The following FOXP1 variants were observed in gnomAD, a reference collection of about 807,000 sequenced individuals.
FOXP1 encodes forkhead box protein P1.
Under a neutral mutation model 98.2 loss-of-function variants are expected in FOXP1, and 15 were observed. That is an observed-to-expected ratio of 0.15 (90% CI 0.10 to 0.24). The LOEUF is 0.24. Ranked by LOEUF, FOXP1 falls within the 10% of genes least tolerant of loss-of-function variation. The pLI is 1.00. For missense variants in FOXP1, 633 were observed against 848.5 expected, an observed-to-expected ratio of 0.75 and a Z score of 3.15; for synonymous variants, 371 against 314.5, an observed-to-expected ratio of 1.18 and a Z score of -1.90.
At chr3:71,409,903 T>C (rs1490143512) in intron 3 of FOXP1, among the ~76,000 whole-genome samples, 2 of 152,154 alleles carry the variant, frequency 1.3e-5, no homozygotes, top group Non-Finnish European at 1.5e-5. Flanking sequence ...TAGTCTCAGC[T>C]ACCTGGAAGG....
At chr3:71,151,192 A>C (rs1029843147) in intron 6 of FOXP1, among the ~76,000 whole-genome samples, 1 of 152,240 alleles carries the variant, frequency 6.6e-6, no homozygotes, top group Non-Finnish European at 1.5e-5. Flanking sequence ...CTGGGAGCAC[A>C]GACTTATTTG....
intron 4 of FOXP1, among the ~76,000 whole-genome samples, chr3:71,328,964 T>TC (rs1169895093): frequency 1.2e-5 from 1 of 85,468 alleles, no homozygotes; most frequent in Non-Finnish European, 2.2e-5. Context: ...AGAGCGAAAC[T>TC]CCATCTCGCT....
intron 4 of FOXP1, among the ~76,000 whole-genome samples, chr3:71,355,663 T>C (rs1477366655): frequency 6.6e-6 from 1 of 152,110 alleles, no homozygotes; most frequent in Non-Finnish European, 1.5e-5. Context: ...CAAGCCACTA[T>C]CTCCACACAG....
chr3:71,190,912 G>C (rs1315529144), intron 6 of FOXP1, among the ~76,000 whole-genome samples: 3 of 152,168 alleles, frequency 2.0e-5, no homozygotes, highest in Non-Finnish European at 2.9e-5. Context: ...CAATAGATTT[G>C]AGTTCAAAGA....
chr3:71,205,148 A>T (rs1446237154), intron 5 of FOXP1, among the ~76,000 whole-genome samples: 1 of 152,242 alleles, frequency 6.6e-6, no homozygotes, highest in Non-Finnish European at 1.5e-5. Context: ...AATGCAAAGT[A>T]ATGCACACAT....
chr3:71,072,678 C>G (rs947127245), intron 7 of FOXP1, among the ~76,000 whole-genome samples: 8 of 152,272 alleles, frequency 5.3e-5, no homozygotes, highest in African/African-American at 1.7e-4. Context: ...TCCTTAACCA[C>G]TTTGGTTCTT....
At chr3:71,238,703 A>G (rs990492418) in intron 5 of FOXP1, among the ~76,000 whole-genome samples, 1 of 152,250 alleles carries the variant, frequency 6.6e-6, no homozygotes, top group Non-Finnish European at 1.5e-5. Flanking sequence ...TCAGTAACCA[A>G]GAGTGACTAT....
At chr3:71,370,769 T>G (rs941652343) in intron 3 of FOXP1, among the ~76,000 whole-genome samples, 2 of 151,322 alleles carry the variant, frequency 1.3e-5, no homozygotes. Flanking sequence ...AGCACATTGC[T>G]AGGTCCCAAC....
At chr3:71,301,679 T>C (rs1056539091) in intron 4 of FOXP1, among the ~76,000 whole-genome samples, 7 of 152,214 alleles carry the variant, frequency 4.6e-5, no homozygotes, top group African/African-American at 1.7e-4. Flanking sequence ...TGCCATCATA[T>C]AGGCCTGGCA....
intron 3 of FOXP1, among the ~76,000 whole-genome samples, chr3:71,378,083 T>C (rs1444584723): frequency 1.1e-5 from 1 of 94,516 alleles, no homozygotes; most frequent in African/African-American, 3.6e-5. Flanking sequence ...AGGGAATCAA[T>C]ACAGGCCAAG....
At chr3:71,339,535 T>C (rs2076891420) in intron 4 of FOXP1, among the ~76,000 whole-genome samples, 1 of 152,204 alleles carries the variant, frequency 6.6e-6, no homozygotes, top group African/African-American at 2.4e-5. Context: ...CCATTCTTAC[T>C]CTCAATTAGT....
At chr3:71,410,002 G>C (rs2082621038) in intron 3 of FOXP1, among the ~76,000 whole-genome samples, 1 of 152,110 alleles carries the variant, frequency 6.6e-6, no homozygotes, top group Admixed American at 6.5e-5. Context: ...ACAACAGCAT[G>C]AGACCCTGTC....
intron 6 of FOXP1, among the ~76,000 whole-genome samples, chr3:71,183,409 G>C (rs1220996959): frequency 1.3e-5 from 2 of 152,138 alleles, no homozygotes; most frequent in African/African-American, 4.8e-5. Context: ...TGAGGGAGGA[G>C]AATCGCTTGA....
rs1576312643 is a variant in FOXP1 at position 71,032,236 on chromosome 3, A to G, written c.869+9092T>C. Among the ~76,000 whole-genome samples, 3 of 152,284 alleles carry G rather than the reference A, an allele frequency of 2.0e-5. 1 individual carries two copies. The highest frequency in any genetic ancestry group is 7.2e-5 in the African/African-American group (3 of 41,562). On this transcript the variant is annotated intron_variant, in intron 11 of 20. Transcript: ENST00000649528. ...CTCTTGGCGACATGTGCCCGGGGGG[A>G]TTGTCCCATATTAACACCACCTGGG...
chr3:71,556,030 G>A (rs779103682), intron 2 of FOXP1, among the ~76,000 whole-genome samples: 4 of 151,958 alleles, frequency 2.6e-5, no homozygotes, highest in African/African-American at 2.4e-5. Context: ...AATGTTATAA[G>A]GCATAAATGA....
At chr3:71,110,991 C>T (rs2057872266) in intron 7 of FOXP1, among the ~76,000 whole-genome samples, 1 of 152,138 alleles carries the variant, frequency 6.6e-6, no homozygotes, top group South Asian at 2.1e-4. Context: ...TCAACTTTTC[C>T]AATAAAGCGT....
At chr3:71,475,314 G>T (rs1262079777) in intron 3 of FOXP1, among the ~76,000 whole-genome samples, 1 of 152,176 alleles carries the variant, frequency 6.6e-6, no homozygotes, top group Admixed American at 6.6e-5. Context: ...GGAAGAAGGA[G>T]CAACTATAAT....
At chr3:71,529,192 T>C (rs1304239404) in intron 2 of FOXP1, among the ~76,000 whole-genome samples, 1 of 152,236 alleles carries the variant, frequency 6.6e-6, no homozygotes, top group African/African-American at 2.4e-5. Context: ...CTGATGTGAC[T>C]TGACAAAAAG....
intron 19 of FOXP1, among the ~76,000 whole-genome samples, chr3:70,967,144 A>G (rs2034971334): frequency 6.6e-6 from 1 of 152,240 alleles, no homozygotes; most frequent in African/African-American, 2.4e-5. Flanking sequence ...ACTTCTTTTC[A>G]CAAGATGATC....
Sources: gnomAD v4.1 joint callset for allele counts (sites outside exome capture counted in the v4.1 genomes callset) on GRCh38, gnomAD v4.1.1 for gene constraint, MANE v1.5 for transcripts, NCBI Gene and HGNC (gene_info 2026-07-23, HGNC 2026-07-21) for gene names.